SEPTIN9: variants seen among roughly 807,000 people sequenced by gnomAD.
SEPTIN9 encodes the protein septin-9.
In SEPTIN9, 13 loss-of-function variants were observed where a neutral mutation model predicts 56.6. The observed-to-expected ratio is 0.23, with a 90% CI of 0.15 to 0.37. The LOEUF is 0.37. Ranked by LOEUF, SEPTIN9 falls within the 10% of genes least tolerant of loss-of-function variation. SEPTIN9 has a pLI of 1.00. For missense variants in SEPTIN9, 650 were observed against 823.1 expected (o/e 0.79, Z 2.57); for synonymous variants, 332 against 334.1 (o/e 0.99, Z 0.07).
intron 1 of SEPTIN9, among the ~76,000 whole-genome samples, chr17:77,302,164 C>T (rs2032079331): frequency 6.6e-6 from 1 of 152,208 alleles, no homozygotes; most frequent in Non-Finnish European, 1.5e-5. Context: ...TCTAGCATAA[C>T]AACCCAGGTA....
chr17:77,318,175 TG>T lies in SEPTIN9; in HGVS notation c.76+10983del, dbSNP rs1370049146. 4.6e-5 allele frequency among the ~76,000 whole-genome samples: 7 copies of T among 152,080 alleles called. No individual in the cohort carries two copies. Among genetic ancestry groups the T allele is most frequent in the Non-Finnish European group, 1.0e-4 (7 of 68,014 alleles). ...AACCGATCCCAGGTGCCAAAAAGGT[TG>T]GGGGCCACTGCCTTCATCGCCTGCC... On this transcript the variant is annotated intron_variant, in intron 2 of 11. Transcript: ENST00000427177. The surrounding 1 kb of genome is among the most constrained non-coding windows in gnomAD (Gnocchi z 4.9).
At chr17:77,495,015 CT>C (rs1210260633) in intron 10 of SEPTIN9, among the ~76,000 whole-genome samples, 1 of 152,222 alleles carries the variant, frequency 6.6e-6, no homozygotes, top group African/African-American at 2.4e-5. Flanking sequence ...CCAAAGAGTT[CT>C]TGCTGTTTAG....
intron 1 of SEPTIN9, among the ~76,000 whole-genome samples, chr17:77,299,861 AGGGGCTGGTCACCAAGAGAG>A (rs1194509486): frequency 1.7e-5 from 2 of 115,766 alleles, no homozygotes; most frequent in African/African-American, 3.1e-5. Context: ...CCGTCAAGAG[AGGGGCTGGTCACCAAGAGAG>A]GGGCGGCCTC....
At chr17:77,458,794 C>T (rs967291251) in intron 3 of SEPTIN9, among the ~76,000 whole-genome samples, 1 of 152,182 alleles carries the variant, frequency 6.6e-6, no homozygotes, top group Non-Finnish European at 1.5e-5. Context: ...AGTACACACC[C>T]AGCTCTAAGA....
chr17:77,301,394 TTG>T (rs56947697), intron 1 of SEPTIN9, among the ~76,000 whole-genome samples: 16,880 of 142,196 alleles, frequency 0.12, 990 homozygotes, highest in Middle Eastern at 0.13. Flanking sequence ...GGGAATAGAT[TTG>T]TGTGTGTGTG....
At chr17:77,399,029 A>G (rs1271484377) in intron 2 of SEPTIN9, among the ~76,000 whole-genome samples, 1 of 152,216 alleles carries the variant, frequency 6.6e-6, no homozygotes, top group East Asian at 1.9e-4. Context: ...GCAGATGGCC[A>G]AGGTGGTGAG....
chr17:77,377,503 G>A (rs1274855059), intron 2 of SEPTIN9, among the ~76,000 whole-genome samples: 10 of 152,052 alleles, frequency 6.6e-5, no homozygotes, highest in Non-Finnish European at 1.5e-5. Context: ...CTTGATGTTT[G>A]TTGAAACAAT....
In SEPTIN9 at chr17:77,437,458, C is replaced by T. The variant is rs1244499026; in HGVS notation, c.721+34755C>T. Reference sequence around the variant, plus strand: ...TGCCTTTATGTAACCAACTCTCTCACGGAGAAGCCAGGGGATGGCTCTCAG... The same window carrying T: ...TGCCTTTATGTAACCAACTCTCTCATGGAGAAGCCAGGGGATGGCTCTCAG... On this transcript the variant is annotated intron_variant, in intron 3 of 11. Coordinates refer to ENST00000427177, the MANE Select transcript of SEPTIN9 (RefSeq NM_001113491.2). The surrounding 1 kb of genome is among the most constrained non-coding windows in gnomAD (Gnocchi z 5.3). Among the ~76,000 whole-genome samples the T allele has an allele frequency of 1.3e-5, 2 of 151,612 alleles. No individual in the cohort carries two copies. Among genetic ancestry groups the T allele is most frequent in the Non-Finnish European group, 2.9e-5 (2 of 67,954 alleles).
At chr17:77,314,631 C>T (rs1352509918) in intron 2 of SEPTIN9, among the ~76,000 whole-genome samples, 2 of 152,174 alleles carry the variant, frequency 1.3e-5, no homozygotes, top group African/African-American at 4.8e-5. Flanking sequence ...AGCATGCTTT[C>T]AGCCAAAGAT....
intron 3 of SEPTIN9, among the ~76,000 whole-genome samples, chr17:77,466,074 A>T (rs905387370): frequency 2.1e-5 from 3 of 141,914 alleles, no homozygotes; most frequent in African/African-American, 8.8e-5. Context: ...ACACACACAC[A>T]CACACACACA....
chr17:77,352,993 C>T (rs1180385046), intron 2 of SEPTIN9, among the ~76,000 whole-genome samples: 1 of 152,202 alleles, frequency 6.6e-6, no homozygotes, highest in Non-Finnish European at 1.5e-5. Context: ...TTAGGGCCCA[C>T]TCTGATTCAA....
At chr17:77,416,175 TG>T (rs34474630) in intron 3 of SEPTIN9, among the ~76,000 whole-genome samples, 56,646 of 151,962 alleles carry the variant, frequency 0.37, 11,099 homozygotes, top group African/African-American at 0.42. Flanking sequence ...TTTTTGGCAC[TG>T]CCTTAACTTT....
rs1034993855 is a variant in SEPTIN9 at position 77,354,127 on chromosome 17, AT to A, written c.76+46936del. 5.3e-4 allele frequency among the ~76,000 whole-genome samples: 80 copies of A among 152,080 alleles called. 1 individual carries two copies. The highest frequency in any genetic ancestry group is 3.5e-3 in the Admixed American group (54 of 15,272). On this transcript the variant is annotated intron_variant, in intron 2 of 11. Coordinates refer to ENST00000427177, the MANE Select transcript of SEPTIN9 (RefSeq NM_001113491.2). ...AAGCTCTGCTTTAAGCTTGTGTCTT[AT>A]TTTTTACTTATTTAGCAAATCTGTC...
At chr17:77,415,081 G>A (rs964756346) in intron 3 of SEPTIN9, among the ~76,000 whole-genome samples, 5 of 152,108 alleles carry the variant, frequency 3.3e-5, no homozygotes, top group South Asian at 2.1e-4. Flanking sequence ...TGCTGCCACC[G>A]CTGGTGAGTG....
intron 3 of SEPTIN9, chr17:77,454,480 G>T: frequency 1.5e-6 from 1 of 650,696 alleles, no homozygotes; most frequent in Non-Finnish European, 1.9e-6. Flanking sequence ...TGAGGAATTG[G>T]CTGGGAAGGC....
chr17:77,479,901 G>A (rs2039382639), intron 3 of SEPTIN9, among the ~76,000 whole-genome samples: 1 of 152,122 alleles, frequency 6.6e-6, no homozygotes, highest in African/African-American at 2.4e-5. Context: ...CGCAAGGCAA[G>A]GCCCCATGTC....
intron 1 of SEPTIN9, among the ~76,000 whole-genome samples, chr17:77,291,227 G>A (rs1229225618): frequency 2.0e-5 from 3 of 150,898 alleles, no homozygotes; most frequent in African/African-American, 7.3e-5. Context: ...GTAGGGACGG[G>A]GTTTCACCAT....
rs2031360379 is a variant in SEPTIN9, at chr17:77,288,158, A to G, written c.19+6604A>G. 7.5e-6 allele frequency: 8 copies of G among 1,060,742 alleles called. No homozygotes were observed. In the South Asian group the frequency reaches 3.6e-4, roughly 48 times the overall value. 65.7% of individuals were successfully genotyped at this position (1,060,742 alleles called of 1,614,324 possible). ...GCCTGGGGTTTCAGAGAAGGGGTCC[A>G]GGCAGGAGTGTCATCTTTTCTCAAT... On this transcript the variant is annotated intron_variant, in intron 1 of 11. Transcript: ENST00000427177.
At chr17:77,295,248 C>A (rs892642384) in intron 1 of SEPTIN9, among the ~76,000 whole-genome samples, 2 of 152,128 alleles carry the variant, frequency 1.3e-5, no homozygotes, top group African/African-American at 4.8e-5. Context: ...TGAGAGGGAA[C>A]CATGCAGGTA....
Sources: allele counts gnomAD v4.1 joint callset (sites outside exome capture counted in the v4.1 genomes callset), GRCh38; gene constraint gnomAD v4.1.1; non-coding constraint Gnocchi (gnomAD v3.1); transcripts MANE v1.5; gene names NCBI Gene and HGNC (gene_info 2026-07-23, HGNC 2026-07-21).